Variants in SEC14L1 observed in about 807,000 individuals in gnomAD.
SEC14L1 encodes SEC14 like lipid binding 1, also known as SEC14-like protein 1.
A neutral mutation model predicts 85.3 loss-of-function variants in SEC14L1; 48 were observed. The observed-to-expected ratio is 0.56, with a 90% CI of 0.45 to 0.72. The LOEUF (loss-of-function observed/expected upper bound fraction) is 0.72, where lower values mean the gene tolerates loss of function less well. SEC14L1 is among the 30% of genes least tolerant of loss of function. The pLI, the probability that SEC14L1 is intolerant of heterozygous loss-of-function variation, is 0.00. For missense variants in SEC14L1, 682 were observed against 921.4 expected, an observed-to-expected ratio of 0.74 and a Z score of 3.36; for synonymous variants, 391 against 355.5, an observed-to-expected ratio of 1.10 and a Z score of -1.12.
chr17:77,205,511 T>A (rs1754625571), intron 11 of SEC14L1, among the ~76,000 whole-genome samples, 165 bp downstream of exon 11: 1 of 152,216 alleles, frequency 6.6e-6, no homozygotes, highest in South Asian at 2.1e-4. Flanking sequence ...AGACAGTTAG[T>A]GTTTTTTGAC....
At chr17:77,147,392 A>T (rs998214506) in intron 3 of SEC14L1, among the ~76,000 whole-genome samples, 2 of 152,108 alleles carry the variant, frequency 1.3e-5, no homozygotes, top group Non-Finnish European at 2.9e-5. Context: ...AACATGTTAA[A>T]GTTCTCATTA....
At chr17:77,150,327 AACAG>A (rs916869046) in intron 3 of SEC14L1, among the ~76,000 whole-genome samples, 39 of 152,258 alleles carry the variant, frequency 2.6e-4, no homozygotes, top group African/African-American at 9.1e-4. Flanking sequence ...GCTGGAGTGA[AACAG>A]ACAGCAGGGG....
chr17:77,200,424 C>G, intron 8 of SEC14L1, 60 bp from the exon 9 acceptor site: 1 of 1,418,352 alleles, frequency 7.1e-7, no homozygotes, highest in Non-Finnish European at 9.8e-7. Context: ...CCACCGCAGC[C>G]TCCCAAAGTT....
intron 3 of SEC14L1, among the ~76,000 whole-genome samples, chr17:77,125,184 A>G (rs1972411051): frequency 6.6e-6 from 1 of 151,892 alleles, no homozygotes; most frequent in South Asian, 2.1e-4. Context: ...TTTAGTAGAG[A>G]CTGGGTTTTG....
chr17:77,193,001 T>G (rs1231912740), intron 5 of SEC14L1, among the ~76,000 whole-genome samples: 4 of 152,164 alleles, frequency 2.6e-5, no homozygotes, highest in Non-Finnish European at 5.9e-5. Flanking sequence ...CAAGTTTTCT[T>G]TTTTCCATAG....
chr17:77,152,999 G>A (rs1973633833), intron 3 of SEC14L1, among the ~76,000 whole-genome samples: 1 of 152,108 alleles, frequency 6.6e-6, no homozygotes, highest in African/African-American at 2.4e-5. Context: ...CAGCAAATAG[G>A]CTGTAAGGAG....
rs754670497 is a variant in SEC14L1, at chr17:77,100,804, C to T, written c.-136+7457C>T. Among the ~76,000 whole-genome samples the T allele has an allele frequency of 3.3e-5, 5 of 152,084 alleles. No homozygotes were observed. In the East Asian group the frequency reaches 5.8e-4, roughly 18 times the overall value. ...CTGGTGGCCTCTCAGCGTAACTTTA[C>T]GTAAGGTCAATCAAGTTAATTTATC... On this transcript the variant is annotated intron_variant, in intron 3 of 19. Transcript: ENST00000392476.
intron 3 of SEC14L1, among the ~76,000 whole-genome samples, chr17:77,110,920 A>G (rs149628881): frequency 0.012 from 1,712 of 147,378 alleles, 28 homozygotes; most frequent in South Asian, 0.063. Flanking sequence ...GGGGCTGGGC[A>G]CAGTGGCTCA....
At chr17:77,104,178 G>T (rs1378582761) in intron 3 of SEC14L1, among the ~76,000 whole-genome samples, 2 of 147,586 alleles carry the variant, frequency 1.4e-5, no homozygotes, top group Non-Finnish European at 3.0e-5. Flanking sequence ...AGAGTGCAGT[G>T]GTGCGATCTC....
chr17:77,110,725 A>AAG (rs57404728), intron 3 of SEC14L1, among the ~76,000 whole-genome samples: 3 of 151,614 alleles, frequency 2.0e-5, no homozygotes, highest in African/African-American at 7.3e-5. Flanking sequence ...CTAAAAAAAA[A>AAG]TACAAAAAAT....
intron 3 of SEC14L1, among the ~76,000 whole-genome samples, chr17:77,102,049 A>G (rs1971790757): frequency 6.6e-6 from 1 of 152,306 alleles, no homozygotes; most frequent in East Asian, 1.9e-4. Flanking sequence ...TCTGTTGGGG[A>G]AATATAATTT....
chr17:77,134,324 A>T lies in SEC14L1; in HGVS notation c.-135-8322A>T, dbSNP rs187901646. ...TAGTGCAGTGCTGCAATCATGGCTC[A>T]CTGCAGCCTCAACCTCCTGGGTTCA... On this transcript the variant is annotated intron_variant, in intron 3 of 19. Coordinates refer to the SEC14L1 transcript ENST00000392476. Among the ~76,000 whole-genome samples the T allele has an allele frequency of 4.0e-3, 577 of 144,458 alleles. 2 individuals are homozygous for T. Among genetic ancestry groups the T allele is most frequent in the Middle Eastern group, 0.021 (6 of 288 alleles). 94.8% of individuals were successfully genotyped at this position (144,458 alleles called of 152,430 possible).
At chr17:77,205,841 A>G (rs1002780501) in intron 11 of SEC14L1, among the ~76,000 whole-genome samples, 4 of 152,148 alleles carry the variant, frequency 2.6e-5, no homozygotes, top group Non-Finnish European at 5.9e-5. Context: ...CTGTTGAAGC[A>G]TAGCCCACTG....
intron 2 of SEC14L1, chr17:77,089,344 C>G (rs745399286): frequency 1.4e-5 from 7 of 512,364 alleles, no homozygotes; most frequent in Admixed American, 1.2e-4. Context: ...TTGAGCCTGC[C>G]AAGTTGTGGG....
At chr17:77,105,348 G>A (rs1971884443) in intron 3 of SEC14L1, among the ~76,000 whole-genome samples, 1 of 147,960 alleles carries the variant, frequency 6.8e-6, no homozygotes, top group South Asian at 2.1e-4. Context: ...AGTGACTCTA[G>A]CCTGTGACAT....
At chr17:77,111,108 G>A (rs1164751448) in intron 3 of SEC14L1, among the ~76,000 whole-genome samples, 8 of 151,134 alleles carry the variant, frequency 5.3e-5, no homozygotes, top group African/African-American at 1.7e-4. Flanking sequence ...CAGAAGGATC[G>A]CTTGAACCCA....
chr17:77,109,177 A>G (rs942950731), intron 3 of SEC14L1, among the ~76,000 whole-genome samples: 10 of 152,198 alleles, frequency 6.6e-5, no homozygotes, highest in African/African-American at 2.4e-4. Flanking sequence ...AACAAAAAGC[A>G]TATTGGTCAT....
chr17:77,194,360 G>C (rs1409381326), intron 6 of SEC14L1, among the ~76,000 whole-genome samples: 2 of 152,102 alleles, frequency 1.3e-5, no homozygotes. Context: ...TTCGAGACCA[G>C]CCTGGACAAC....
chr17:77,188,673 G>T (rs747405867), intron 3 of SEC14L1, among the ~76,000 whole-genome samples: 1 of 152,126 alleles, frequency 6.6e-6, no homozygotes, highest in Non-Finnish European at 1.5e-5. Flanking sequence ...GAGTGCATTT[G>T]TTGGGTTGTA....
Sources: allele counts gnomAD v4.1 joint callset (sites outside exome capture counted in the v4.1 genomes callset), GRCh38; gene constraint gnomAD v4.1.1; transcripts MANE v1.5; gene names NCBI Gene and HGNC (gene_info 2026-07-23, HGNC 2026-07-21).